EYS: variants seen among roughly 807,000 people sequenced by gnomAD.
EYS encodes the protein protein eyes shut homolog.
A neutral mutation model predicts 282.1 loss-of-function variants in EYS; 250 were observed. The ratio of observed to expected loss-of-function variants is 0.89; its 90% CI spans 0.80 to 0.98. The LOEUF (loss-of-function observed/expected upper bound fraction) is 0.98, where lower values mean the gene tolerates loss of function less well. Among genes scored for constraint, EYS ranks in the 50% least tolerant of loss-of-function variants. The probability of loss-of-function intolerance (pLI) is 0.00; values close to 1 mark genes in which losing one functional copy is unlikely to be tolerated. For missense variants in EYS, 4,016 were observed against 3,709.0 expected (o/e 1.08, Z -2.15); for synonymous variants, 1,355 against 1,282.9 (o/e 1.06, Z -1.20).
chr6:65,133,246 C>T (rs1393298522), intron 12 of EYS, among the ~76,000 whole-genome samples: 1 of 151,568 alleles, frequency 6.6e-6, no homozygotes, highest in Non-Finnish European at 1.5e-5. Flanking sequence ...AAAAAGTGCC[C>T]ACATAACCAA....
At chr6:64,419,317 T>C (rs1373508038) in intron 28 of EYS, among the ~76,000 whole-genome samples, 1 of 152,128 alleles carries the variant, frequency 6.6e-6, no homozygotes, top group Non-Finnish European at 1.5e-5. Context: ...CAAGTGAGAA[T>C]TATGGGAACT....
intron 2 of EYS, among the ~76,000 whole-genome samples, chr6:65,587,896 G>T (rs73742014): frequency 0.03 from 4,590 of 152,110 alleles, 171 homozygotes; most frequent in African/African-American, 0.092. Context: ...GAAGTTCCAA[G>T]ATTTGAAATT....
chr6:63,778,054 A>T lies in EYS; in HGVS notation c.7850T>A (p.Met2617Lys), dbSNP rs1156244948. Reference protein sequence around the residue: ...GQCHASPCSLMKCGNGGTCIE... With the variant: ...GQCHASPCSLKKCGNGGTCIE... ...GCATGTCCCACCATTGCCACATTTCATTAAACTGCAGGGAGAAGCATGACA... is the reference window on the plus strand; with the variant it reads ...GCATGTCCCACCATTGCCACATTTCTTTAAACTGCAGGGAGAAGCATGACA... Residue 2617 changes from methionine to lysine, a missense_variant, in exon 40 of 43, where the codon ATG becomes AAG. Met to Lys is a moderately conservative substitution (Grantham distance 95). Coordinates refer to ENST00000503581, the MANE Select transcript of EYS (RefSeq NM_001142800.2). 7 of 1,551,684 alleles carry T rather than the reference A, an allele frequency of 4.5e-6. No homozygotes were observed. The highest frequency in any genetic ancestry group is 5.2e-6 in the Non-Finnish European group (6 of 1,146,952).
chr6:64,088,470 CAAAAT>C (rs1055267301), intron 31 of EYS, among the ~76,000 whole-genome samples: 4 of 151,750 alleles, frequency 2.6e-5, no homozygotes, highest in African/African-American at 9.7e-5. Context: ...ATATGATTCA[CAAAAT>C]AAAGTTAATT....
intron 19 of EYS, among the ~76,000 whole-genome samples, chr6:64,850,472 G>A (rs1284891617): frequency 6.6e-6 from 1 of 151,978 alleles, no homozygotes; most frequent in Non-Finnish European, 1.5e-5. Flanking sequence ...AATGAGATAT[G>A]GTAGAAGTTA....
chr6:64,172,232 A>G (rs892143990), intron 31 of EYS, among the ~76,000 whole-genome samples: 1 of 152,066 alleles, frequency 6.6e-6, no homozygotes, highest in African/African-American at 2.4e-5. Context: ...AATTCTGGTA[A>G]GAACACTTAA....
chr6:64,691,400 A>G (rs1273386767), intron 22 of EYS, among the ~76,000 whole-genome samples: 2 of 152,218 alleles, frequency 1.3e-5, no homozygotes, highest in African/African-American at 4.8e-5. Flanking sequence ...AACAGCTAAT[A>G]ATAACTAATG....
chr6:64,648,534 C>T (rs4710281), intron 22 of EYS, among the ~76,000 whole-genome samples: 144,944 of 152,274 alleles, frequency 0.95, 69,380 homozygotes, highest in East Asian at 1. Flanking sequence ...TAAAGTACAA[C>T]GGCTTAAGGG....
chr6:65,673,003 A>G (rs1768447565), intron 1 of EYS, among the ~76,000 whole-genome samples: 1 of 152,012 alleles, frequency 6.6e-6, no homozygotes, highest in Non-Finnish European at 1.5e-5. Context: ...AGCCAGGAGA[A>G]GGAATTTCAC....
intron 36 of EYS, among the ~76,000 whole-genome samples, chr6:63,848,642 C>T (rs1040470807): frequency 2.0e-5 from 3 of 152,106 alleles, no homozygotes; most frequent in Admixed American, 2.0e-4. Flanking sequence ...AGGGATGGTG[C>T]TATCTGGCCC....
intron 31 of EYS, among the ~76,000 whole-genome samples, chr6:64,161,448 TG>T (rs1775103647): frequency 6.6e-6 from 1 of 152,088 alleles, no homozygotes; most frequent in African/African-American, 2.4e-5. Context: ...AAAATACAAG[TG>T]GTATATCTTG....
At chr6:64,053,742 T>G (rs1483028632) in intron 33 of EYS, among the ~76,000 whole-genome samples, 1 of 152,172 alleles carries the variant, frequency 6.6e-6, no homozygotes, top group African/African-American at 2.4e-5. Flanking sequence ...GGCATTTTCT[T>G]TAAGAAAAAA....
At chr6:65,386,574 A>G (rs1765812327) in intron 7 of EYS, among the ~76,000 whole-genome samples, 1 of 151,978 alleles carries the variant, frequency 6.6e-6, no homozygotes, top group Non-Finnish European at 1.5e-5. Flanking sequence ...GAAAGTTTCA[A>G]TAGTAGCCTT....
intron 36 of EYS, among the ~76,000 whole-genome samples, chr6:63,835,768 A>G (rs555345577): frequency 1.3e-5 from 2 of 152,238 alleles, no homozygotes; most frequent in South Asian, 4.1e-4. Flanking sequence ...AGTTTTAGAA[A>G]TAAGAACCAT....
chr6:64,598,740 G>A (rs910897554), intron 24 of EYS, among the ~76,000 whole-genome samples: 1 of 152,140 alleles, frequency 6.6e-6, no homozygotes, highest in South Asian at 2.1e-4. Context: ...TGGTCAACAA[G>A]ATAGGCAAAG....
chr6:64,808,504 A>C (rs1764502985), intron 22 of EYS, among the ~76,000 whole-genome samples: 2 of 152,126 alleles, frequency 1.3e-5, no homozygotes, highest in South Asian at 4.1e-4. Flanking sequence ...ATAAATTTAC[A>C]AATCTGTTGC....
In EYS at chr6:64,987,607, C is replaced by T. The variant is rs1770905008; in HGVS notation, c.2259+9975G>A. Among the ~76,000 whole-genome samples the T allele has an allele frequency of 2.0e-5, 3 of 151,426 alleles. No individual in the cohort carries two copies. In the South Asian group the frequency reaches 6.2e-4, roughly 31 times the overall value. ...TTTCAGAGGTACAGCATATGTAGGA[C>T]AGAAAGGGAATCTTGGGGGAGGCAT... On this transcript the variant is annotated intron_variant, in intron 14 of 42. Coordinates refer to ENST00000503581, the MANE Select transcript of EYS (RefSeq NM_001142800.2).
chr6:64,359,168 A>G (rs533335175), intron 29 of EYS, among the ~76,000 whole-genome samples: 4 of 151,810 alleles, frequency 2.6e-5, no homozygotes, highest in South Asian at 2.1e-4. Flanking sequence ...ATATGCTTGT[A>G]TTATGGTTTT....
At chr6:64,333,487 T>G (rs1044446161) in intron 29 of EYS, among the ~76,000 whole-genome samples, 4 of 152,102 alleles carry the variant, frequency 2.6e-5, no homozygotes, top group Admixed American at 6.6e-5. Flanking sequence ...CCATGATGAA[T>G]TTAATCAGCA....
Sources: gnomAD v4.1 joint callset for allele counts (sites outside exome capture counted in the v4.1 genomes callset) on GRCh38, gnomAD v4.1.1 for gene constraint, MANE v1.5 for transcripts, NCBI Gene and HGNC (gene_info 2026-07-23, HGNC 2026-07-21) for gene names.